Variants in CAST observed in about 807,000 individuals in gnomAD.
CAST encodes the protein MIR583 host.
In CAST, 76 loss-of-function variants were observed where a neutral mutation model predicts 119.6. The ratio of observed to expected loss-of-function variants is 0.64; its 90% CI spans 0.53 to 0.77. CAST has a LOEUF of 0.77. CAST is among the 30% of genes least tolerant of loss of function. CAST has a pLI of 0.00. For synonymous variants in CAST, 319 were observed against 331.6 expected (o/e 0.96, Z 0.41); for missense variants, 953 against 946.5 (o/e 1.01, Z -0.09).
the CAST span, among the ~76,000 whole-genome samples, chr5:96,124,179 T>C: frequency 6.6e-6 from 1 of 152,146 alleles, no homozygotes; most frequent in Non-Finnish European, 1.5e-5. Context: ...TTTTTGTTTG[T>C]TTTATTTTAT....
chr5:96,154,168 C>T, the CAST span, among the ~76,000 whole-genome samples: 1 of 151,920 alleles, frequency 6.6e-6, no homozygotes, highest in Admixed American at 6.6e-5. Context: ...GTCCCAGCTA[C>T]TCAAGAGGCT....
At chr5:96,446,111 C>T in the CAST span, among the ~76,000 whole-genome samples, 2 of 150,838 alleles carry the variant, frequency 1.3e-5, no homozygotes, top group African/African-American at 4.9e-5. Flanking sequence ...GATATAGTGA[C>T]TCTCTTTAAA....
intron 3 of CAST, among the ~76,000 whole-genome samples, chr5:96,717,911 AG>A (rs1757471260): frequency 6.6e-6 from 1 of 152,354 alleles, no homozygotes; most frequent in South Asian, 2.1e-4. Context: ...CTAGACAGAA[AG>A]GATTGAGAGA....
intron 28 of CAST, 119 bp from the exon 29 acceptor site, chr5:96,767,788 T>G: frequency 1.5e-6 from 1 of 660,340 alleles, no homozygotes. Flanking sequence ...TAATAAAGAA[T>G]GTCAGTCAGT....
At chr5:96,019,643 C>T in the CAST span, among the ~76,000 whole-genome samples, 1 of 152,188 alleles carries the variant, frequency 6.6e-6, no homozygotes, top group African/African-American at 2.4e-5. Context: ...CCCAGAACAA[C>T]TCAATTCCTG....
intron 5 of CAST, 47 bp downstream of exon 5, chr5:96,726,906 C>T (rs762972095): frequency 5.4e-6 from 7 of 1,307,782 alleles, no homozygotes; most frequent in African/African-American, 4.4e-5. Context: ...CTAACGGTTA[C>T]ATCACCCGCT....
chr5:96,311,818 TC>T, the CAST span, among the ~76,000 whole-genome samples: 1 of 152,052 alleles, frequency 6.6e-6, no homozygotes, highest in African/African-American at 2.4e-5. Context: ...GAAGTGAATT[TC>T]TTATAGGCAG....
chr5:96,680,377 A>AAAG (rs1234899701), intron 2 of CAST, among the ~76,000 whole-genome samples: 12 of 100,794 alleles, frequency 1.2e-4, no homozygotes, highest in African/African-American at 4.4e-4. Context: ...AAAAAAAAAA[A>AAAG]AAGAAGAAGA....
the CAST span, among the ~76,000 whole-genome samples, chr5:96,068,991 G>A: frequency 6.6e-6 from 1 of 150,668 alleles, no homozygotes; most frequent in Non-Finnish European, 1.5e-5. Context: ...ATATACGGAT[G>A]TATATATGTA....
At chr5:96,225,853 T>G in the CAST span, among the ~76,000 whole-genome samples, 10 of 152,170 alleles carry the variant, frequency 6.6e-5, no homozygotes, top group African/African-American at 2.4e-4. Flanking sequence ...ACAAATCTAT[T>G]CAGGGAGAAA....
the CAST span, among the ~76,000 whole-genome samples, chr5:96,451,546 G>C: frequency 2.0e-4 from 30 of 152,152 alleles, no homozygotes; most frequent in Non-Finnish European, 1.2e-4. Context: ...AACCCTAGAA[G>C]AAATCCTAGG....
the CAST span, among the ~76,000 whole-genome samples, chr5:96,281,038 G>A: frequency 6.6e-6 from 1 of 152,196 alleles, no homozygotes; most frequent in African/African-American, 2.4e-5. Context: ...ATGTAATCCA[G>A]ATGTCAGTTT....
chr5:96,412,647 C>G, the CAST span, among the ~76,000 whole-genome samples: 3,672 of 151,884 alleles, frequency 0.024, 147 homozygotes, highest in African/African-American at 0.084. Context: ...AACCCAGCTA[C>G]TGACACCACA....
chr5:96,223,494 T>A, the CAST span, among the ~76,000 whole-genome samples: 1 of 152,092 alleles, frequency 6.6e-6, no homozygotes, highest in South Asian at 2.1e-4. Flanking sequence ...CAAAGGGAGA[T>A]TTGAACAAGG....
chr5:96,688,457 T>C (rs1752326477), intron 2 of CAST, among the ~76,000 whole-genome samples: 1 of 152,198 alleles, frequency 6.6e-6, no homozygotes, highest in Non-Finnish European at 1.5e-5. Flanking sequence ...ATAGCTTTAT[T>C]TATAATAACA....
the CAST span, among the ~76,000 whole-genome samples, chr5:96,270,042 G>A: frequency 2.2e-4 from 33 of 152,166 alleles, no homozygotes; most frequent in South Asian, 1.5e-3. Flanking sequence ...ATCATTTATC[G>A]TGATCAAGTA....
intron 1 of CAST, among the ~76,000 whole-genome samples, chr5:96,639,791 T>C (rs1015528396): frequency 4.6e-5 from 7 of 152,214 alleles, no homozygotes; most frequent in African/African-American, 1.7e-4. Flanking sequence ...GAATTTTGTT[T>C]TGTTTTGTTT....
the CAST span, among the ~76,000 whole-genome samples, chr5:95,977,048 T>A: frequency 2.3e-3 from 354 of 152,344 alleles, 2 homozygotes; most frequent in Non-Finnish European, 3.8e-3. Flanking sequence ...TTTGTGGGTA[T>A]TTTTTAACAT....
At chr5:96,641,041 T>C (rs181758023) in intron 1 of CAST, among the ~76,000 whole-genome samples, 1 of 152,326 alleles carries the variant, frequency 6.6e-6, no homozygotes, top group Admixed American at 6.5e-5. Flanking sequence ...AATTTCTACA[T>C]AACAGAATAT....
Sources: gnomAD v4.1 joint callset for allele counts (sites outside exome capture counted in the v4.1 genomes callset) on GRCh38, gnomAD v4.1.1 for gene constraint, MANE v1.5 for transcripts, NCBI Gene and HGNC (gene_info 2026-07-23, HGNC 2026-07-21) for gene names.